TMEFF2: variants seen among roughly 807,000 people sequenced by gnomAD.
The protein encoded by TMEFF2 is transmembrane protein with EGF like and two follistatin like domains 2.
A neutral mutation model predicts 53.8 loss-of-function variants in TMEFF2; 28 were observed. That is an observed-to-expected ratio of 0.52 (90% CI 0.39 to 0.71). TMEFF2 has a LOEUF of 0.71. Ranked by LOEUF, TMEFF2 falls within the 30% of genes least tolerant of loss-of-function variation. The pLI is 0.00. For synonymous variants in TMEFF2, 162 were observed against 166.3 expected (o/e 0.97, Z 0.20); for missense variants, 353 against 455.2 (o/e 0.78, Z 2.04).
At chr2:191,954,259 TA>T (rs1691994141) in intron 8 of TMEFF2, among the ~76,000 whole-genome samples, 5 of 152,324 alleles carry the variant, frequency 3.3e-5, no homozygotes, top group East Asian at 1.9e-4. Flanking sequence ...TGTCCCTTTC[TA>T]AATAAATATT....
chr2:192,127,439 TTC>T (rs1340075911), intron 4 of TMEFF2, among the ~76,000 whole-genome samples: 4 of 152,204 alleles, frequency 2.6e-5, no homozygotes, highest in Non-Finnish European at 5.9e-5. Flanking sequence ...TCTCTCCTAC[TTC>T]TCTCTTCTCT....
chr2:192,016,072 A>G (rs1686737520), intron 5 of TMEFF2, among the ~76,000 whole-genome samples: 1 of 152,178 alleles, frequency 6.6e-6, no homozygotes, highest in Non-Finnish European at 1.5e-5. Flanking sequence ...TTTGGCCTAT[A>G]AATTCTAAAG....
chr2:192,191,924 A>G lies in TMEFF2; in HGVS notation c.238T>C (p.Cys80Arg), dbSNP rs1691470628. ...GTCACAGTGTCTCCAATTCTTAAAC[A>G]TTCCCCATCAAATTTACAGGTGTTG... ...DTNTCKFDGE[C>R]LRIGDTVTCV... The change falls in exon 2 of 10, where the codon TGT becomes CGT. Residue 80 changes from cysteine to arginine, a missense_variant. Coordinates refer to ENST00000272771, the MANE Select transcript of TMEFF2 (RefSeq NM_016192.4). 1 of 1,613,566 alleles carries G rather than the reference A, an allele frequency of 6.2e-7. No individual in the cohort carries two copies. Among genetic ancestry groups the G allele is most frequent in the Admixed American group, 1.7e-5 (1 of 60,008 alleles).
At chr2:192,067,879 C>A (rs1416562045) in intron 4 of TMEFF2, among the ~76,000 whole-genome samples, 1 of 151,786 alleles carries the variant, frequency 6.6e-6, no homozygotes, top group Admixed American at 6.6e-5. Context: ...CTTTATCATA[C>A]CTTGCCTAAA....
chr2:191,990,403 A>G (rs1434006510), intron 7 of TMEFF2, among the ~76,000 whole-genome samples: 1 of 63,702 alleles, frequency 1.6e-5, no homozygotes, highest in African/African-American at 5.1e-5. Flanking sequence ...CAGCAAATCA[A>G]AGTGCTCAGA....
At chr2:192,032,099 A>G (rs1428183481) in intron 5 of TMEFF2, 1 of 152,228 alleles carries the variant, frequency 6.6e-6, no homozygotes, top group Non-Finnish European at 1.5e-5. Context: ...AGTGACCTGA[A>G]GGATCTCATA....
chr2:192,190,591 TG>T (rs1362593956), intron 2 of TMEFF2, among the ~76,000 whole-genome samples: 1 of 152,156 alleles, frequency 6.6e-6, no homozygotes. Context: ...TCTGACACTA[TG>T]GTATGGTCTA....
intron 5 of TMEFF2, among the ~76,000 whole-genome samples, chr2:192,056,070 G>A (rs971286497): frequency 6.6e-6 from 1 of 152,088 alleles, no homozygotes; most frequent in African/African-American, 2.4e-5. Context: ...AATATTTTAA[G>A]TGCAGACTGT....
At chr2:192,068,839 A>G (rs1428236949) in intron 4 of TMEFF2, among the ~76,000 whole-genome samples, 1 of 151,898 alleles carries the variant, frequency 6.6e-6, no homozygotes, top group Non-Finnish European at 1.5e-5. Flanking sequence ...ATGAAATAAA[A>G]GAGTAGCAAA....
intron 5 of TMEFF2, among the ~76,000 whole-genome samples, chr2:192,020,224 T>C (rs1396330106): frequency 6.6e-6 from 1 of 152,156 alleles, no homozygotes; most frequent in African/African-American, 2.4e-5. Context: ...ACCAAGAATA[T>C]GTAAGAAGCA....
At chr2:192,032,051 T>G (rs1687151421) in intron 5 of TMEFF2, 1 of 152,218 alleles carries the variant, frequency 6.6e-6, no homozygotes. Context: ...CACAAAGCAC[T>G]TTTAGCCCCA....
intron 4 of TMEFF2, among the ~76,000 whole-genome samples, chr2:192,166,362 T>G (rs1415123736): frequency 6.6e-6 from 1 of 152,140 alleles, no homozygotes; most frequent in Non-Finnish European, 1.5e-5. Flanking sequence ...TTCTTTGAAA[T>G]GTACACATAC....
intron 4 of TMEFF2, among the ~76,000 whole-genome samples, chr2:192,077,777 CACAT>C (rs138212710): frequency 0.023 from 3,426 of 151,956 alleles, 42 homozygotes; most frequent in Middle Eastern, 0.034. Flanking sequence ...TATACTTGTA[CACAT>C]ACAATTTTAT....
chr2:191,995,216 A>G lies in TMEFF2; in HGVS notation c.745+3046T>C, dbSNP rs150473928. Reference sequence around the variant, plus strand: ...ATTAAAAATGAGATACAATTAATTTATTTTAAGATTTAGACTTTCTTTCAA... The same window carrying G: ...ATTAAAAATGAGATACAATTAATTTGTTTTAAGATTTAGACTTTCTTTCAA... On this transcript the variant is annotated intron_variant, in intron 7 of 9. Transcript: ENST00000272771. 2.2e-3 allele frequency among the ~76,000 whole-genome samples: 337 copies of G among 152,098 alleles called. 2 individuals carry two copies. The highest frequency in any genetic ancestry group is 7.8e-3 in the African/African-American group (322 of 41,502).
chr2:192,071,567 TG>T (rs1688293329), intron 4 of TMEFF2, among the ~76,000 whole-genome samples: 1 of 151,834 alleles, frequency 6.6e-6, no homozygotes. Flanking sequence ...CATCTCTCAG[TG>T]TCTGCGAGGG....
At chr2:191,984,238 G>T (rs1307460726) in intron 7 of TMEFF2, among the ~76,000 whole-genome samples, 1 of 152,026 alleles carries the variant, frequency 6.6e-6, no homozygotes, top group Non-Finnish European at 1.5e-5. Context: ...ATTGGATTAG[G>T]TGATCAAGAA....
intron 4 of TMEFF2, among the ~76,000 whole-genome samples, chr2:192,080,518 C>T (rs553740827): frequency 5.8e-4 from 88 of 152,308 alleles, no homozygotes; most frequent in Admixed American, 3.3e-4. Flanking sequence ...TTATAAATTA[C>T]CCAGTCTCAG....
chr2:192,049,958 G>A lies in TMEFF2; in HGVS notation c.536+7721C>T, dbSNP rs557779415. On this transcript the variant is annotated intron_variant, in intron 5 of 9. Transcript: ENST00000272771. ...GGAGCTTGCAGTGAGCTGAGATAGC[G>A]CCACTGCACTCCAGCCTGGGCCACA... Among the ~76,000 whole-genome samples, 34 of 152,166 alleles carry A rather than the reference G, an allele frequency of 2.2e-4. No homozygotes were observed. The South Asian group carries it at 6.0e-3, about 27-fold the overall frequency.
At chr2:192,048,509 T>C (rs1307943619) in intron 5 of TMEFF2, among the ~76,000 whole-genome samples, 1 of 152,048 alleles carries the variant, frequency 6.6e-6, no homozygotes, top group Non-Finnish European at 1.5e-5. Context: ...TGTGTATTTA[T>C]ATTTAGAAAA....
Sources: allele counts gnomAD v4.1 joint callset (sites outside exome capture counted in the v4.1 genomes callset), GRCh38; gene constraint gnomAD v4.1.1; transcripts MANE v1.5; gene names NCBI Gene and HGNC (gene_info 2026-07-23, HGNC 2026-07-21).